The following APELA variants were observed in gnomAD, a reference collection of about 807,000 sequenced individuals.
APELA encodes apelin receptor early endogenous ligand, also known as protein Elabela.
chr4:164,877,684 G>C (rs1194675858), intron 1 of APELA, among the ~76,000 whole-genome samples: 1 of 152,064 alleles, frequency 6.6e-6, no homozygotes, highest in Non-Finnish European at 1.5e-5. Flanking sequence ...AGATTATGTT[G>C]TCTTTACAAG....
chr4:164,891,574 A>G (rs1730882713), intron 2 of APELA, among the ~76,000 whole-genome samples: 1 of 152,082 alleles, frequency 6.6e-6, no homozygotes, highest in South Asian at 2.1e-4. Flanking sequence ...AATTTTCTTA[A>G]TTTCATTTTT....
chr4:164,893,623 G>A (rs13152225), intron 2 of APELA, among the ~76,000 whole-genome samples: 40,225 of 151,752 alleles, frequency 0.27, 6,861 homozygotes, highest in African/African-American at 0.49. Context: ...TAGTATATTC[G>A]CTTCAGCTCT....
chr4:164,879,084 A>T, intron 2 of APELA, 75 bp downstream of exon 2: 1 of 398,282 alleles, frequency 2.5e-6, no homozygotes, highest in Non-Finnish European at 4.4e-6. Flanking sequence ...ATGTTTCTTC[A>T]CAGTTTGTAA....
At chr4:164,879,564 C>T (rs1220018509) in intron 2 of APELA, among the ~76,000 whole-genome samples, 2 of 152,124 alleles carry the variant, frequency 1.3e-5, no homozygotes, top group Non-Finnish European at 2.9e-5. Context: ...CCCACCTCAG[C>T]CCCCCAAGTA....
rs1168127702 is a variant in APELA at position 164,897,226 on chromosome 4, C to T, written c.*1812C>T. 6.6e-6 allele frequency: 1 copy of T among 152,170 alleles called. No individual in the cohort carries two copies. The highest frequency in any genetic ancestry group is 2.4e-5 in the African/African-American group (1 of 41,446). The allele number at this position is 152,170 out of a possible 1,614,324, so 9.4% of individuals were successfully genotyped here. A position where few individuals can be genotyped will look rare whatever the true frequency, so the allele number is the denominator to read the frequency against. On this transcript the variant is annotated 3_prime_UTR_variant, in exon 3 of 3. Transcript: ENST00000507152. ...CTGACAACACTGTCGAGTTTGTCTT[C>T]CTGTCAAAGCTTATTAAAAGTGTCT...
chr4:164,886,742 C>T (rs1730779183), intron 2 of APELA, among the ~76,000 whole-genome samples: 1 of 152,076 alleles, frequency 6.6e-6, no homozygotes, highest in African/African-American at 2.4e-5. Context: ...ATATTATAAA[C>T]ATTTATTACA....
At chr4:164,886,127 T>G (rs1730765875) in intron 2 of APELA, among the ~76,000 whole-genome samples, 1 of 98,548 alleles carries the variant, frequency 1.0e-5, no homozygotes, top group Admixed American at 9.8e-5. Flanking sequence ...TATGAGCTCC[T>G]TGAAGACAAG....
rs148740733 is a variant in APELA, at chr4:164,896,062, T to G, written c.*648T>G. 1 of 152,364 alleles carries G rather than the reference T, an allele frequency of 6.6e-6. No homozygotes were observed. The highest frequency in any genetic ancestry group is 2.4e-5 in the African/African-American group (1 of 41,588). The allele number at this position is 152,364 out of a possible 1,614,324, so 9.4% of individuals were successfully genotyped here. On this transcript the variant is annotated 3_prime_UTR_variant, in exon 3 of 3. Transcript: ENST00000507152. ...GTTGAAAGAAAACATGAAATCCTAA[T>G]TGTAGTTCATTTTATGTTCAAATGA...
intron 2 of APELA, among the ~76,000 whole-genome samples, chr4:164,894,801 A>C (rs556672900): frequency 6.6e-6 from 1 of 152,276 alleles, no homozygotes; most frequent in African/African-American, 2.4e-5. Context: ...CCTCCCCAGT[A>C]GGTGTGAGCC....
chr4:164,877,538 T>C (rs17487030), intron 1 of APELA, 131 bp downstream of exon 1: 11,736 of 396,476 alleles, frequency 0.03, 201 homozygotes, highest in Middle Eastern at 0.075. Flanking sequence ...GATAAATGTG[T>C]AGGATTTTGA....
At chr4:164,894,405 T>G (rs1345016506) in intron 2 of APELA, among the ~76,000 whole-genome samples, 1 of 150,186 alleles carries the variant, frequency 6.7e-6, no homozygotes, top group African/African-American at 2.5e-5. Flanking sequence ...TCTTTTCTTT[T>G]CTTCTTTATT....
At chr4:164,885,361 C>T (rs1029130639) in intron 2 of APELA, among the ~76,000 whole-genome samples, 1 of 152,002 alleles carries the variant, frequency 6.6e-6, no homozygotes, top group Admixed American at 6.5e-5. Flanking sequence ...GAACTCCTGA[C>T]TTCAAGTGAT....
Position 164,884,235 on chromosome 4 carries a change from G to A in APELA, c.*1+5226G>A, listed in dbSNP as rs559598344. Among the ~76,000 whole-genome samples the A allele has an allele frequency of 6.5e-4, 98 of 151,696 alleles. 1 individual carries two copies. The highest frequency in any genetic ancestry group is 2.3e-3 in the African/African-American group (97 of 41,354). ...GAAAGAAAAAGAGGAAGGAAGAGAAGGAAAGAAAGAAGAGTTCCACCATTG... is the reference window on the plus strand; with the variant it reads ...GAAAGAAAAAGAGGAAGGAAGAGAAAGAAAGAAAGAAGAGTTCCACCATTG... On this transcript the variant is annotated intron_variant, in intron 2 of 2. Coordinates refer to ENST00000507152, the MANE Select transcript of APELA (RefSeq NM_001297550.2).
chr4:164,894,698 C>T (rs1291641374), intron 2 of APELA, among the ~76,000 whole-genome samples: 1 of 152,140 alleles, frequency 6.6e-6, no homozygotes. Context: ...AGCCACCATA[C>T]CCAGCCACAC....
At chr4:164,879,578 G>A (rs1730621102) in intron 2 of APELA, among the ~76,000 whole-genome samples, 1 of 152,060 alleles carries the variant, frequency 6.6e-6, no homozygotes, top group Non-Finnish European at 1.5e-5. Context: ...CCAAGTAGCT[G>A]GGACTACAGG....
rs1220857870 is a variant in APELA, at chr4:164,895,636, G to A, written c.*222G>A. 6.6e-6 allele frequency: 1 copy of A among 152,150 alleles called. No individual in the cohort carries two copies. The highest frequency in any genetic ancestry group is 2.4e-5 in the African/African-American group (1 of 41,444). 9.4% of individuals were successfully genotyped at this position (152,150 alleles called of 1,614,324 possible). ...GAGGGAAAATAACATAAATTCAAAAGGATTCCAATCTGAAGCCCAAATCGT... is the reference window on the plus strand; with the variant it reads ...GAGGGAAAATAACATAAATTCAAAAAGATTCCAATCTGAAGCCCAAATCGT... On this transcript the variant is annotated 3_prime_UTR_variant, in exon 3 of 3. Coordinates refer to ENST00000507152, the MANE Select transcript of APELA (RefSeq NM_001297550.2).
At chr4:164,884,023 G>T (rs1353143944) in intron 2 of APELA, among the ~76,000 whole-genome samples, 3 of 148,130 alleles carry the variant, frequency 2.0e-5, no homozygotes, top group East Asian at 2.0e-4. Flanking sequence ...AGGAAGAGAA[G>T]AAAGAGAAGG....
At chr4:164,886,771 G>T (rs1730779814) in intron 2 of APELA, among the ~76,000 whole-genome samples, 1 of 151,954 alleles carries the variant, frequency 6.6e-6, no homozygotes, top group Non-Finnish European at 1.5e-5. Context: ...ATATTCCTCT[G>T]AACAAAGTAT....
intron 2 of APELA, among the ~76,000 whole-genome samples, chr4:164,880,400 A>C (rs1227700005): frequency 6.6e-6 from 1 of 152,232 alleles, no homozygotes; most frequent in Non-Finnish European, 1.5e-5. Flanking sequence ...AATATGAAAA[A>C]TAGCTTTGGT....
Sources: gnomAD v4.1 joint callset for allele counts (sites outside exome capture counted in the v4.1 genomes callset) on GRCh38, gnomAD v4.1.1 for gene constraint, MANE v1.5 for transcripts, NCBI Gene and HGNC (gene_info 2026-07-23, HGNC 2026-07-21) for gene names.